Variants in ZBTB47 observed in about 807,000 individuals in gnomAD.
ZBTB47 encodes the protein zinc finger and BTB domain-containing protein 47.
A neutral mutation model predicts 56.6 loss-of-function variants in ZBTB47; 24 were observed. That is an observed-to-expected ratio of 0.42 (90% confidence interval 0.31 to 0.60). The LOEUF is 0.60. ZBTB47 is among the 20% of genes least tolerant of loss of function. The pLI, the probability that ZBTB47 is intolerant of heterozygous loss-of-function variation, is 0.14. For synonymous variants in ZBTB47, 414 were observed against 418.9 expected (o/e 0.99, Z 0.14); for missense variants, 829 against 1,032.6 (o/e 0.80, Z 2.70).
Position 42,663,142 on chromosome 3 carries a change from C to A in ZBTB47, c.1737+15C>A. 1 of 1,584,174 alleles carries A rather than the reference C, an allele frequency of 6.3e-7. No individual in the cohort carries two copies. Among genetic ancestry groups the A allele is most frequent in the South Asian group, 1.1e-5 (1 of 90,490 alleles). On this transcript the variant is annotated intron_variant, in intron 4 of 5. Transcript: ENST00000232974. This position sits in a 1 kb window ranked among gnomAD's most constrained non-coding sequence, Gnocchi z 5.1. ...TCAGATGTGAGGTGAGCTTCCATCT[C>A]CTGCCTGGCCTGCCCGAGGGGTCAC... is the stretch of plus-strand genomic sequence containing the variant.
intron 1 of ZBTB47, among the ~76,000 whole-genome samples, chr3:42,655,114 C>G (rs1439199800): frequency 6.6e-6 from 1 of 152,194 alleles, no homozygotes; most frequent in East Asian, 1.9e-4. Flanking sequence ...ACACCCAGAG[C>G]TCCCGTACCA....
At position 42,661,582 on chromosome 3, in the gene ZBTB47, T is replaced by C. The variant is rs1386358814; in HGVS notation, c.1571T>C (p.Ile524Thr). 1.9e-6 allele frequency: 3 copies of C among 1,613,970 alleles called. No individual in the cohort carries two copies. Among genetic ancestry groups the C allele is most frequent in the Non-Finnish European group, 1.7e-6 (2 of 1,179,872 alleles). Residue 524 changes from isoleucine (I) to threonine (T), a missense_variant, in exon 3 of 6, where the codon ATC (isoleucine) becomes ACC (threonine). By Grantham distance (89) the Ile-to-Thr change is moderately conservative (BLOSUM62 -1). This residue lies in a region of ZBTB47 where 187 missense variants were observed against 253.1 expected (regional missense o/e 0.74). Transcript: ENST00000232974. The stretch of plus-strand genomic sequence containing the variant: ...GCAGAGAAGAAGTTCTCATGCGAGA[T>C]CTGTGAGAAGAAGTTCTACACCATG... ...GYAEKKFSCE[I>T]CEKKFYTMAH... is the part of the protein sequence containing the mutation.
chr3:42,666,291 C>T lies in ZBTB47; in HGVS notation c.*1693C>T, dbSNP rs576072471. Among the ~76,000 whole-genome samples, 106 of 152,322 alleles carry T rather than the reference C, an allele frequency of 7.0e-4. No individual in the cohort carries two copies. The highest frequency in any genetic ancestry group is 1.1e-3 in the Non-Finnish European group (74 of 68,032). ...AATTGATGTTGGAGCTGTAGACGTA[C>T]GCTCAGGCGCTCCTGCTGTCCTGGG... On this transcript the variant is annotated 3_prime_UTR_variant, in exon 6 of 6. Transcript: ENST00000232974.
At chr3:42,662,885 A>T in intron 3 of ZBTB47, 127 bp from the exon 4 acceptor site, 1 of 657,510 alleles carries the variant, frequency 1.5e-6, no homozygotes, top group Non-Finnish European at 2.8e-6. Flanking sequence ...GTCCTGGGAC[A>T]GAGTATAAGG....
rs1295333012 is a variant in ZBTB47 at position 42,654,262 on chromosome 3, G to T, written c.-82+379G>T. On this transcript the variant is annotated intron_variant, in intron 1 of 5. Coordinates refer to ENST00000232974, the MANE Select transcript of ZBTB47 (RefSeq NM_145166.4). This position sits in a 1 kb window ranked among gnomAD's most constrained non-coding sequence, Gnocchi z 5.0. ...CTCAGCACGGGAGGGTGGGGCCGGG[G>T]TCTATCTGCTCGGATATGAGCAGTG... 1 of 146,262 alleles carries T rather than the reference G, an allele frequency of 6.8e-6. No homozygotes were observed. The highest frequency in any genetic ancestry group is 1.5e-5 in the Non-Finnish European group (1 of 66,618). The allele number at this position is 146,262 out of a possible 1,614,324, so 9.1% of individuals were successfully genotyped here.
Position 42,666,897 on chromosome 3 carries a change from T to C in ZBTB47, c.*2299T>C, listed in dbSNP as rs61347556. On this transcript the variant is annotated 3_prime_UTR_variant, in exon 6 of 6. Transcript: ENST00000232974. Reference sequence around the variant, plus strand: ...GCTCTAGGTGGGCACAACCAACCCCTCTCCTGGGAGGCCCCTGCCCCACTG... The same window carrying C: ...GCTCTAGGTGGGCACAACCAACCCCCCTCCTGGGAGGCCCCTGCCCCACTG... Among the ~76,000 whole-genome samples the C allele has an allele frequency of 3.0e-3, 457 of 152,192 alleles. 4 individuals carry two copies. The highest frequency in any genetic ancestry group is 0.01 in the African/African-American group (423 of 41,536).
intron 3 of ZBTB47, among the ~76,000 whole-genome samples, chr3:42,662,276 A>T (rs1287188733): frequency 6.6e-6 from 1 of 152,210 alleles, no homozygotes; most frequent in African/African-American, 2.4e-5. Flanking sequence ...CAAGGCAGAC[A>T]GTGAGCCCCT....
At chr3:42,664,098 C>G in intron 5 of ZBTB47, 139 bp from the exon 6 acceptor site, 1 of 1,471,452 alleles carries the variant, frequency 6.8e-7, no homozygotes, top group South Asian at 1.4e-5. Flanking sequence ...GAGGCTGGCA[C>G]AAAATGCCCC....
Position 42,659,390 on chromosome 3 carries a change from T to TGAG in ZBTB47, c.1046_1048dup (p.Glu349dup), listed in dbSNP as rs1198789035. 5.2e-6 allele frequency: 5 copies of TGAG among 966,536 alleles called. No individual in the cohort carries two copies. In the African/African-American group the frequency reaches 1.2e-4, roughly 23 times the overall value. 59.9% of individuals were successfully genotyped at this position (966,536 alleles called of 1,614,324 possible). Reference sequence around the variant, plus strand: ...CTAGTGAGCAGGATCAAGAGAGCTCTGAGGAGGAGGAGGGGGAGGAGGGGG... The same window carrying TGAG: ...CTAGTGAGCAGGATCAAGAGAGCTCTGAGGAGGAGGAGGAGGGGGAGGAGGGGG... On this transcript the variant is annotated inframe_insertion, in exon 2 of 6. Transcript: ENST00000232974.
Position 42,658,260 on chromosome 3 carries a change from C to A in ZBTB47, c.-81-15C>A. On this transcript the variant is annotated splice_polypyrimidine_tract_variant and intron_variant, in intron 1 of 5. Coordinates refer to ENST00000232974, the MANE Select transcript of ZBTB47 (RefSeq NM_145166.4). The stretch of plus-strand genomic sequence containing the variant: ...CACTGGCCTTGACCCACTCCTGTGC[C>A]CTCTGTCCCCGCAGTTGCTGGTTGA... 1 of 1,464,254 alleles carries A rather than the reference C, an allele frequency of 6.8e-7. No homozygotes were observed. The highest frequency in any genetic ancestry group is 2.3e-5 in the Admixed American group (1 of 42,836). The allele number at this position is 1,464,254 out of a possible 1,614,324, so 90.7% of individuals were successfully genotyped here.
chr3:42,663,687 G>A lies in ZBTB47; in HGVS notation c.1738-110G>A. The A allele has an allele frequency of 2.2e-6, 3 of 1,395,180 alleles. No homozygotes were observed. The highest frequency in any genetic ancestry group is 3.7e-4 in the Middle Eastern group (2 of 5,432). 86.4% of individuals were successfully genotyped at this position (1,395,180 alleles called of 1,614,324 possible). On this transcript the variant is annotated intron_variant, in intron 4 of 5. Coordinates refer to ENST00000232974, the MANE Select transcript of ZBTB47 (RefSeq NM_145166.4). The surrounding 1 kb of genome is among the most constrained non-coding windows in gnomAD (Gnocchi z 5.1). ...CATGTCCCCATCTCCTTGCCCAGGA[G>A]CCCCTGAGTGTGTCCCTCCTTGGCC...
At chr3:42,658,215 G>C in intron 1 of ZBTB47, 60 bp from the exon 2 acceptor site, 1 of 1,428,764 alleles carries the variant, frequency 7.0e-7, no homozygotes, top group East Asian at 2.5e-5. Context: ...GTGGTGCTGG[G>C]GGAAGGGCGG....
At chr3:42,661,690 T>C in intron 3 of ZBTB47, 58 bp downstream of exon 3, 10 of 1,595,078 alleles carry the variant, frequency 6.3e-6, no homozygotes, top group Non-Finnish European at 8.5e-6. Context: ...AGCTTCTGGC[T>C]GGTGGATGGG....
At chr3:42,660,656 G>A (rs1288078493) in intron 2 of ZBTB47, among the ~76,000 whole-genome samples, 6 of 152,206 alleles carry the variant, frequency 3.9e-5, no homozygotes, top group Non-Finnish European at 5.9e-5. Flanking sequence ...TGCGCTAATT[G>A]CTAATTGCAG....
intron 1 of ZBTB47, among the ~76,000 whole-genome samples, chr3:42,655,092 G>A (rs1482061809): frequency 6.6e-6 from 1 of 152,204 alleles, no homozygotes; most frequent in Non-Finnish European, 1.5e-5. Context: ...CGGGCCAAGG[G>A]GGTGTGGGAG....
intron 2 of ZBTB47, 93 bp downstream of exon 2, chr3:42,659,921 A>T (rs1033992681): frequency 6.9e-7 from 1 of 1,447,200 alleles, no homozygotes; most frequent in Non-Finnish European, 9.1e-7. Context: ...TGCTGACTGC[A>T]TTACCTAGGT....
chr3:42,659,814 G>A lies in ZBTB47; in HGVS notation c.1459G>A (p.Glu487Lys), dbSNP rs1443443260. The change falls in exon 2 of 6, where the codon GAG becomes AAG. Residue 487 changes from glutamate (E) to lysine (K), a missense_variant. Glu to Lys is a moderately conservative substitution (Grantham distance 56, BLOSUM62 1). Transcript: ENST00000232974. ...GCTGCTGCACAGGCAGACAGACTGC[G>A]AGCGCAACATCCAGGTGGGCCTCAC... Reference protein sequence around the residue: ...ELLLHRQTDCERNIQCVTCGK... With the variant: ...ELLLHRQTDCKRNIQCVTCGK... The A allele has an allele frequency of 2.5e-6, 4 of 1,606,572 alleles. No homozygotes were observed. The highest frequency in any genetic ancestry group is 2.7e-5 in the African/African-American group (2 of 74,850).
In ZBTB47 at chr3:42,666,243, C is replaced by G. The variant is rs1366200549; in HGVS notation, c.*1645C>G. On this transcript the variant is annotated 3_prime_UTR_variant, in exon 6 of 6. Transcript: ENST00000232974. ...GGTTGTTCTCTGGGCTTGGAGGGTA[C>G]AGTGCCAGCAGCTTCCTTGCCCAAT... Among the ~76,000 whole-genome samples, 1 of 152,238 alleles carries G rather than the reference C, an allele frequency of 6.6e-6. No homozygotes were observed. Among genetic ancestry groups the G allele is most frequent in the East Asian group, 1.9e-4 (1 of 5,186 alleles).
Position 42,654,716 on chromosome 3 carries a change from C to T in ZBTB47, c.-82+833C>T, listed in dbSNP as rs1710615962. The T allele has an allele frequency of 1.0e-6, 1 of 984,718 alleles. No homozygotes were observed. Among genetic ancestry groups the T allele is most frequent in the Non-Finnish European group, 1.2e-6 (1 of 829,604 alleles). 61.0% of individuals were successfully genotyped at this position (984,718 alleles called of 1,614,324 possible). On this transcript the variant is annotated intron_variant, in intron 1 of 5. Transcript: ENST00000232974. This position sits in a 1 kb window ranked among gnomAD's most constrained non-coding sequence, Gnocchi z 5.0. ...CCATGGTACGCAGGGCCCTGCCTGT[C>T]CCCCCGCTTATCCGCCCACCTGCCA...
Sources: allele counts gnomAD v4.1 joint callset (sites outside exome capture counted in the v4.1 genomes callset), GRCh38; gene constraint gnomAD v4.1.1; regional missense constraint gnomAD v4.1.1; non-coding constraint Gnocchi (gnomAD v3.1); transcripts MANE v1.5; gene names NCBI Gene and HGNC (gene_info 2026-07-23, HGNC 2026-07-21).